Variants in ILDR2 observed in about 807,000 individuals in gnomAD.
The protein encoded by ILDR2 is immunoglobulin-like domain-containing receptor 2.
In ILDR2, 25 loss-of-function variants were observed where a neutral mutation model predicts 66.8. The observed-to-expected ratio is 0.37, with a 90% confidence interval of 0.27 to 0.52. The LOEUF is 0.52. ILDR2 is among the 20% of genes least tolerant of loss of function. The probability of loss-of-function intolerance (pLI) is 0.88; values close to 1 mark genes in which losing one functional copy is unlikely to be tolerated. For synonymous variants in ILDR2, 367 were observed against 357.2 expected, an observed-to-expected ratio of 1.03 and a Z score of -0.31; for missense variants, 827 against 876.8, an observed-to-expected ratio of 0.94 and a Z score of 0.72.
At chr1:166,974,713 G>A (rs537483614) in intron 1 of ILDR2, among the ~76,000 whole-genome samples, 1 of 152,246 alleles carries the variant, frequency 6.6e-6, no homozygotes, top group African/African-American at 2.4e-5. Flanking sequence ...GCACCCTCCA[G>A]AGAGCCACAG....
chr1:166,913,943 C>A lies in ILDR2; in HGVS notation c.*5412G>T, dbSNP rs768528509. 1 of 151,922 alleles carries A rather than the reference C, an allele frequency of 6.6e-6. No individual in the cohort carries two copies. The highest frequency in any genetic ancestry group is 1.5e-5 in the Non-Finnish European group (1 of 68,044). 9.4% of individuals were successfully genotyped at this position (151,922 alleles called of 1,614,324 possible). A position where few individuals can be genotyped will look rare whatever the true frequency, so the allele number is the denominator to read the frequency against. ...ACAAGCCTGGGAAATATAGCAAGAC[C>A]CCATCTCTACAAACAAACAAAATTT... On this transcript the variant is annotated 3_prime_UTR_variant, in exon 10 of 10. Transcript: ENST00000271417.
At chr1:166,922,497 G>A (rs1016223827) in intron 8 of ILDR2, 96 bp downstream of exon 8, 13 of 866,118 alleles carry the variant, frequency 1.5e-5, no homozygotes, top group Non-Finnish European at 2.3e-5. Context: ...GGGAGACAGA[G>A]ATGCTACTGG....
Position 166,936,751 on chromosome 1 carries a change from C to G in ILDR2, c.557-14G>C, listed in dbSNP as rs749296311. The stretch of plus-strand genomic sequence containing the variant: ...CAAACACCCACTCTGGAAGGATGCA[C>G]AAAGAAATCCACACTCGAGGCAGCC... On this transcript the variant is annotated splice_polypyrimidine_tract_variant and intron_variant, in intron 4 of 9. Coordinates refer to ENST00000271417, the MANE Select transcript of ILDR2 (RefSeq NM_199351.3). This position sits in a 1 kb window ranked among gnomAD's most constrained non-coding sequence, Gnocchi z 5.0. 6.2e-7 allele frequency: 1 copy of G among 1,613,732 alleles called. No homozygotes were observed. Among genetic ancestry groups the G allele is most frequent in the Non-Finnish European group, 8.5e-7 (1 of 1,179,856 alleles).
At chr1:166,900,775 C>G (rs1485491082) in intron 2 of ILDR2, among the ~76,000 whole-genome samples, 1 of 152,140 alleles carries the variant, frequency 6.6e-6, no homozygotes, top group African/African-American at 2.4e-5. Context: ...GTTGATGAGG[C>G]CACCAACAGA....
intron 3 of ILDR2, among the ~76,000 whole-genome samples, chr1:166,941,027 G>C (rs1364062343): frequency 6.6e-6 from 1 of 152,180 alleles, no homozygotes; most frequent in Non-Finnish European, 1.5e-5. Context: ...AGTGAGCAGG[G>C]TAGAGGGGTC....
rs374479063 is a variant in ILDR2, at chr1:166,909,736, CATATATATAT to C, written c.*9609_*9618del. ...ATATATATGTGTGTGTGTATACATA[CATATATATAT>C]ATATATATATATAAATATATATAAA... On this transcript the variant is annotated 3_prime_UTR_variant, in exon 10 of 10. Coordinates refer to ENST00000271417, the MANE Select transcript of ILDR2 (RefSeq NM_199351.3). The C allele has an allele frequency of 1.1e-4, 11 of 100,902 alleles. No individual in the cohort carries two copies. Among genetic ancestry groups the C allele is most frequent in the Admixed American group, 2.3e-4 (2 of 8,558 alleles). 6.3% of individuals were successfully genotyped at this position (100,902 alleles called of 1,614,324 possible). A position where few individuals can be genotyped will look rare whatever the true frequency, so the allele number is the denominator to read the frequency against.
In ILDR2 at chr1:166,912,840, C is replaced by T. The variant is rs1659499130; in HGVS notation, c.*6515G>A. On this transcript the variant is annotated 3_prime_UTR_variant, in exon 10 of 10. Coordinates refer to ENST00000271417, the MANE Select transcript of ILDR2 (RefSeq NM_199351.3). ...ATGTCCTCCCACGAATAGCTTCCTT[C>T]CTCCCTTCCCCAAGTGTAATTTCTA... The T allele has an allele frequency of 6.6e-6, 1 of 152,164 alleles. No individual in the cohort carries two copies. Among genetic ancestry groups the T allele is most frequent in the South Asian group, 2.1e-4 (1 of 4,834 alleles). The allele number at this position is 152,164 out of a possible 1,614,324, so 9.4% of individuals were successfully genotyped here. A position where few individuals can be genotyped will look rare whatever the true frequency, so the allele number is the denominator to read the frequency against.
At chr1:166,919,600 C>T (rs1320099181) in intron 9 of ILDR2, among the ~76,000 whole-genome samples, 1 of 152,202 alleles carries the variant, frequency 6.6e-6, no homozygotes, top group Non-Finnish European at 1.5e-5. Context: ...GTTCCATGGT[C>T]ACAGAATAAC....
In ILDR2 at chr1:166,927,000, C is replaced by T. The variant is rs1660340815; in HGVS notation, c.994+67G>A. The T allele has an allele frequency of 8.5e-6, 10 of 1,177,266 alleles. No homozygotes were observed. In the South Asian group the frequency reaches 1.3e-4, roughly 16 times the overall value. 72.9% of individuals were successfully genotyped at this position (1,177,266 alleles called of 1,614,324 possible). A position where few individuals can be genotyped will look rare whatever the true frequency, so the allele number is the denominator to read the frequency against. ...TCAGGGCTGCCCAAGTTTGGTGACC[C>T]CCAAATCCCCTTTACACACTAACTC... is the stretch of plus-strand genomic sequence containing the variant. On this transcript the variant is annotated intron_variant, in intron 7 of 9. Transcript: ENST00000271417.
At position 166,909,822 on chromosome 1, in the gene ILDR2, C is replaced by T. The variant is rs1171883290; in HGVS notation, c.*9533G>A. 1 of 129,968 alleles carries T rather than the reference C, an allele frequency of 7.7e-6. No individual in the cohort carries two copies. The highest frequency in any genetic ancestry group is 8.1e-5 in the Admixed American group (1 of 12,358). 8.1% of individuals were successfully genotyped at this position (129,968 alleles called of 1,614,324 possible). Reference sequence around the variant, plus strand: ...ATATATATATCCTTCTAGCTTTGCTCTACTGGACATTAACGTCTCAGAGAA... The same window carrying T: ...ATATATATATCCTTCTAGCTTTGCTTTACTGGACATTAACGTCTCAGAGAA... On this transcript the variant is annotated 3_prime_UTR_variant, in exon 10 of 10. Transcript: ENST00000271417.
Position 166,949,857 on chromosome 1 carries a change from A to G in ILDR2, c.499+6876T>C, listed in dbSNP as rs373434956. 2.3e-4 allele frequency among the ~76,000 whole-genome samples: 35 copies of G among 152,312 alleles called. 1 individual carries two copies. The South Asian group carries it at 7.3e-3, about 32-fold the overall frequency. On this transcript the variant is annotated intron_variant, in intron 3 of 9. Coordinates refer to ENST00000271417, the MANE Select transcript of ILDR2 (RefSeq NM_199351.3). ...GCTCAGGGCAGAGCAGGCCAAAGCT[A>G]GGAGAGAGTGCTGGGAGAAAAGGCA...
chr1:166,927,210 GA>G (rs1557934927), intron 6 of ILDR2, 30 bp from the exon 7 acceptor site: 1 of 1,460,814 alleles, frequency 6.8e-7, no homozygotes, highest in Non-Finnish European at 9.5e-7. Context: ...AAGGTGAGCT[GA>G]AAAAGGAAAA....
intron 1 of ILDR2, among the ~76,000 whole-genome samples, chr1:166,964,343 T>C (rs1456925113): frequency 6.6e-6 from 1 of 152,154 alleles, no homozygotes; most frequent in African/African-American, 2.4e-5. Flanking sequence ...TTTGAAACAC[T>C]ACGCTAAGTT....
At position 166,936,636 on chromosome 1, in the gene ILDR2, C is replaced by T; in HGVS notation, c.658G>A (p.Val220Ile). 10 of 1,613,938 alleles carry T rather than the reference C, an allele frequency of 6.2e-6. No homozygotes were observed. Among genetic ancestry groups the T allele is most frequent in the Non-Finnish European group, 8.5e-6 (10 of 1,179,874 alleles). Residue 220 changes from valine (V) to isoleucine (I), a missense_variant, in exon 5 of 10, where the codon GTC (valine) becomes ATC (isoleucine). Transcript: ENST00000271417. The surrounding 1 kb of genome is among the most constrained non-coding windows in gnomAD (Gnocchi z 5.0). ...QCCPHSCCCY[V>I]RCPCCPDSCC... ...GAATCTGGGCAGCATGGGCAGCGGA[C>T]ATAGCAGCAGCAGCTGTGAGGGCAG... is the stretch of plus-strand genomic sequence containing the variant.
chr1:166,962,799 G>C (rs1242941663), intron 1 of ILDR2, among the ~76,000 whole-genome samples: 1 of 152,132 alleles, frequency 6.6e-6, no homozygotes. Context: ...AGTCTATACA[G>C]GCTAATAAGA....
At chr1:166,926,545 C>T (rs1291607568) in intron 7 of ILDR2, among the ~76,000 whole-genome samples, 1 of 151,714 alleles carries the variant, frequency 6.6e-6, no homozygotes, top group African/African-American at 2.4e-5. Context: ...CTCCATGCAG[C>T]GAGTTGGTGG....
intron 9 of ILDR2, 133 bp downstream of exon 9, chr1:166,920,574 G>A (rs745377496): frequency 2.2e-5 from 22 of 1,019,854 alleles, no homozygotes; most frequent in Non-Finnish European, 2.6e-5. Flanking sequence ...CGCCCAGGCA[G>A]GCCCCTGCGG....
intron 3 of ILDR2, among the ~76,000 whole-genome samples, 166 bp downstream of exon 3, chr1:166,956,567 A>G (rs189854011): frequency 6.6e-6 from 1 of 152,350 alleles, no homozygotes; most frequent in East Asian, 1.9e-4. Flanking sequence ...CATAATAAGT[A>G]CAGCTACTGC....
rs1659892503 is a variant in ILDR2, at chr1:166,920,973, C to T, written c.1618G>A (p.Glu540Lys). ...GSARERQARP[E>K]GASRGGSLET... The stretch of plus-strand genomic sequence containing the variant: ...AGGCTGCCACCGCGGCTGGCGCCCT[C>T]GGGCCGCGCCTGGCGCTCCCGCGCG... The change falls in exon 9 of 10, where the codon GAG becomes AAG. Residue 540 changes from glutamate (E) to lysine (K), a missense_variant. Transcript: ENST00000271417. 3.4e-6 allele frequency: 5 copies of T among 1,486,666 alleles called. No homozygotes were observed. The South Asian group carries it at 5.2e-5, about 15-fold the overall frequency. The allele number at this position is 1,486,666 out of a possible 1,614,324, so 92.1% of individuals were successfully genotyped here.
Sources: gnomAD v4.1 joint callset for allele counts (sites outside exome capture counted in the v4.1 genomes callset) on GRCh38, gnomAD v4.1.1 for gene constraint, Gnocchi (gnomAD v3.1) non-coding constraint, MANE v1.5 for transcripts, NCBI Gene and HGNC (gene_info 2026-07-23, HGNC 2026-07-21) for gene names.